KYAT3: variants seen among roughly 807,000 people sequenced by gnomAD.
KYAT3 encodes kynurenine aminotransferase 3.
Under a neutral mutation model 59.0 loss-of-function variants are expected in KYAT3, and 50 were observed. The observed-to-expected ratio is 0.85, with a 90% CI of 0.68 to 1.07. The LOEUF is 1.07. KYAT3 is among the 50% of genes least tolerant of loss of function. The pLI, the probability that KYAT3 is intolerant of heterozygous loss-of-function variation, is 0.00. For missense variants in KYAT3, 497 were observed against 533.3 expected, an observed-to-expected ratio of 0.93 and a Z score of 0.67; for synonymous variants, 148 against 177.0, an observed-to-expected ratio of 0.84 and a Z score of 1.30.
intron 8 of KYAT3, among the ~76,000 whole-genome samples, chr1:88,959,161 T>C (rs1676044127): frequency 6.6e-6 from 1 of 151,530 alleles, no homozygotes; most frequent in Non-Finnish European, 1.5e-5. Flanking sequence ...AGACTTGTAG[T>C]CATAGCTATT....
At chr1:88,945,972 G>C (rs1675426314) in intron 11 of KYAT3, among the ~76,000 whole-genome samples, 1 of 152,132 alleles carries the variant, frequency 6.6e-6, no homozygotes, top group Non-Finnish European at 1.5e-5. Context: ...CACCACACTA[G>C]TTCAAGATCT....
intron 13 of KYAT3, among the ~76,000 whole-genome samples, chr1:88,942,154 A>G (rs570160577): frequency 1.1e-3 from 163 of 152,184 alleles, no homozygotes; most frequent in African/African-American, 3.9e-3. Context: ...ATTTCTATTA[A>G]TCTGTATTCA....
chr1:88,934,183 G>A (rs1027973671), downstream of KYAT3, among the ~76,000 whole-genome samples: 9 of 152,074 alleles, frequency 5.9e-5, no homozygotes, highest in African/African-American at 9.7e-5. Context: ...AGCTGGGTGC[G>A]GTGGCTCATG....
chr1:88,927,888 C>G, the KYAT3 span, among the ~76,000 whole-genome samples: 8 of 152,180 alleles, frequency 5.3e-5, no homozygotes, highest in African/African-American at 1.7e-4. Context: ...GCCGCCATAA[C>G]TGCAGCCCGA....
intron 2 of KYAT3, chr1:88,982,486 T>G (rs991711261): frequency 1.7e-6 from 2 of 1,177,952 alleles, no homozygotes; most frequent in Non-Finnish European, 2.3e-6. Flanking sequence ...CATGTTTTAC[T>G]TTTTTCCTCA....
intron 10 of KYAT3, among the ~76,000 whole-genome samples, chr1:88,951,846 G>C (rs1675687362): frequency 6.6e-6 from 1 of 152,042 alleles, no homozygotes; most frequent in Non-Finnish European, 1.5e-5. Context: ...ATGTTACCTT[G>C]CATGGTGAAA....
intron 9 of KYAT3, among the ~76,000 whole-genome samples, chr1:88,953,905 CTT>C (rs35781634): frequency 5.5e-4 from 77 of 141,156 alleles, no homozygotes; most frequent in Admixed American, 8.5e-4. Flanking sequence ...TCTTCTTCTT[CTT>C]TTTTTTTTTT....
At chr1:88,926,464 C>T in the KYAT3 span, among the ~76,000 whole-genome samples, 2 of 152,174 alleles carry the variant, frequency 1.3e-5, no homozygotes, top group East Asian at 1.9e-4. Context: ...CAGGTGTGTG[C>T]CACCATACCT....
Position 88,943,395 on chromosome 1 carries a change from A to G in KYAT3, c.1170T>C (p.Asn390=), listed in dbSNP as rs752522489. The G allele has an allele frequency of 5.7e-6, 9 of 1,584,116 alleles. No homozygotes were observed. The highest frequency in any genetic ancestry group is 7.7e-6 in the Non-Finnish European group (9 of 1,163,390). Residue 390 remains asparagine, a synonymous_variant, in exon 12 of 14, where the codon AAT becomes AAC. Coordinates refer to ENST00000260508, the MANE Select transcript of KYAT3 (RefSeq NM_001008661.3). The part of the protein sequence containing the change: ...LDPDLSDMKN[N]EPYDYKFVKW... ...TCACAAACTTATAGTCATAAGGCTC[A>G]TTATTCTTCATATCAGAGAGGTCTG...
At chr1:88,924,274 C>T in the KYAT3 span, among the ~76,000 whole-genome samples, 1 of 152,234 alleles carries the variant, frequency 6.6e-6, no homozygotes, top group Admixed American at 6.5e-5. Flanking sequence ...AGCCCAGCTC[C>T]CTTCACAAGG....
downstream of KYAT3, among the ~76,000 whole-genome samples, chr1:88,934,759 G>A (rs1033953509): frequency 3.3e-5 from 5 of 152,092 alleles, no homozygotes; most frequent in Non-Finnish European, 2.9e-5. Context: ...TAAGGGAGCC[G>A]ATAGAAATAA....
intron 1 of KYAT3, 50 bp downstream of exon 1, chr1:88,992,535 G>C (rs1255217454): frequency 6.5e-6 from 1 of 152,856 alleles, no homozygotes; most frequent in African/African-American, 2.4e-5. Context: ...GACGGCCCTA[G>C]TCAGTCCGCA....
At chr1:88,941,092 C>T (rs1006159248) in intron 13 of KYAT3, among the ~76,000 whole-genome samples, 3 of 152,192 alleles carry the variant, frequency 2.0e-5, no homozygotes, top group South Asian at 2.1e-4. Flanking sequence ...GGAAGTCCTA[C>T]GTTACTTCTT....
chr1:88,992,137 C>CTT (rs1677840790), intron 1 of KYAT3, among the ~76,000 whole-genome samples: 1 of 152,034 alleles, frequency 6.6e-6, no homozygotes, highest in African/African-American at 2.4e-5. Context: ...CGCCACCACG[C>CTT]CCGGCTAATT....
chr1:88,936,323 A>G, intron 13 of KYAT3, 78 bp from the exon 14 acceptor site: 1 of 1,090,804 alleles, frequency 9.2e-7, no homozygotes, highest in Non-Finnish European at 1.3e-6. Context: ...AATATACAAC[A>G]TAATGAAGAT....
chr1:88,930,791 A>G (rs933707350), downstream of KYAT3, among the ~76,000 whole-genome samples: 8 of 152,226 alleles, frequency 5.3e-5, no homozygotes, highest in African/African-American at 1.9e-4. Context: ...GGAAGCCATT[A>G]GGAGATTATT....
downstream of KYAT3, among the ~76,000 whole-genome samples, chr1:88,934,639 T>C (rs1203455829): frequency 6.6e-6 from 1 of 152,184 alleles, no homozygotes; most frequent in Non-Finnish European, 1.5e-5. Context: ...TTCTTTCTTT[T>C]TGATCAGCTG....
intron 1 of KYAT3, among the ~76,000 whole-genome samples, chr1:88,989,627 A>G (rs1265707593): frequency 6.6e-6 from 1 of 152,112 alleles, no homozygotes; most frequent in Non-Finnish European, 1.5e-5. Context: ...TGCATGATGG[A>G]GGTAATGTGC....
rs112972487 is a variant in KYAT3 at position 88,953,186 on chromosome 1, T to C, written c.865-34A>G. On this transcript the variant is annotated intron_variant, in intron 9 of 13. Coordinates refer to ENST00000260508, the MANE Select transcript of KYAT3 (RefSeq NM_001008661.3). ...GGAAAAGATAAAAGATTTCAGAAAATCTAATTGTATATAACAAATCTGAGA... is the reference window on the plus strand; with the variant it reads ...GGAAAAGATAAAAGATTTCAGAAAACCTAATTGTATATAACAAATCTGAGA... 929 of 1,396,068 alleles carry C rather than the reference T, an allele frequency of 6.7e-4. 6 individuals carry two copies. The African/African-American group carries it at 0.012, about 18-fold the overall frequency. The allele number at this position is 1,396,068 out of a possible 1,614,324, so 86.5% of individuals were successfully genotyped here.
Sources: allele counts gnomAD v4.1 joint callset (sites outside exome capture counted in the v4.1 genomes callset), GRCh38; gene constraint gnomAD v4.1.1; transcripts MANE v1.5; gene names NCBI Gene and HGNC (gene_info 2026-07-23, HGNC 2026-07-21).